Variants in C17orf67 observed in about 807,000 individuals in gnomAD.
The protein encoded by C17orf67 is uncharacterized protein C17orf67.
In C17orf67, 12 loss-of-function variants were observed where a neutral mutation model predicts 11.2. The ratio of observed to expected loss-of-function variants is 1.07; its 90% CI spans 0.68 to 1.73. The LOEUF is 1.73. Among genes scored for constraint, C17orf67 ranks in the 40% most tolerant of loss-of-function variants. The probability of loss-of-function intolerance (pLI) is 0.00; values close to 1 mark genes in which losing one functional copy is unlikely to be tolerated. For synonymous variants in C17orf67, 59 were observed against 46.9 expected, an observed-to-expected ratio of 1.26 and a Z score of -1.05; for missense variants, 115 against 113.5, an observed-to-expected ratio of 1.01 and a Z score of -0.06.
intron 6 of C17orf67, among the ~76,000 whole-genome samples, chr17:56,805,171 G>T (rs528984727): frequency 6.6e-6 from 1 of 152,288 alleles, no homozygotes; most frequent in Admixed American, 6.5e-5. Context: ...CTAGCGGGAC[G>T]TTCTGATTTA....
chr17:56,802,315 C>T (rs1905342536), intron 6 of C17orf67, among the ~76,000 whole-genome samples: 1 of 152,174 alleles, frequency 6.6e-6, no homozygotes, highest in Non-Finnish European at 1.5e-5. Context: ...ACCAAGGAGT[C>T]ACAGCCACAC....
intron 4 of C17orf67, among the ~76,000 whole-genome samples, chr17:56,823,365 G>C (rs898598395): frequency 6.6e-6 from 1 of 151,934 alleles, no homozygotes; most frequent in African/African-American, 2.4e-5. Context: ...CAGACATCTA[G>C]AACGCCTCTG....
chr17:56,810,149 C>T (rs1191600318), intron 6 of C17orf67, among the ~76,000 whole-genome samples: 1 of 60,980 alleles, frequency 1.6e-5, no homozygotes, highest in Non-Finnish European at 3.9e-5. Context: ...TCACGCACAC[C>T]CCTCACACCC....
At chr17:56,822,568 A>G (rs1358671056) in intron 4 of C17orf67, among the ~76,000 whole-genome samples, 6 of 152,244 alleles carry the variant, frequency 3.9e-5, no homozygotes, top group Non-Finnish European at 8.8e-5. Flanking sequence ...CACATAATAA[A>G]AGTCTACTAC....
chr17:56,815,037 C>A, intron 5 of C17orf67, 68 bp from the exon 6 acceptor site: 1 of 1,328,736 alleles, frequency 7.5e-7, no homozygotes, highest in Non-Finnish European at 1.1e-6. Flanking sequence ...CTCAACAGTC[C>A]AAGGCAAAAG....
At chr17:56,803,390 T>C (rs1221242694) in intron 6 of C17orf67, among the ~76,000 whole-genome samples, 1 of 152,246 alleles carries the variant, frequency 6.6e-6, no homozygotes, top group African/African-American at 2.4e-5. Context: ...ACTTTTATAA[T>C]GAGATCACTG....
chr17:56,814,950 T>C lies in C17orf67; in HGVS notation c.75A>G (p.Thr25=), dbSNP rs2144134937. 6.2e-7 allele frequency: 1 copy of C among 1,614,140 alleles called. No homozygotes were observed. The part of the protein sequence containing the change: ...TVFSETSPIL[T]EKQAKQLLRS... ...TTAGGAGCTGTTTGGCCTGCTTCTC[T>C]GTCAAAATCGGGGAGGTCTCTGGAA... The change falls in exon 6 of 8, where the codon ACA becomes ACG. Residue 25 remains threonine, a synonymous_variant. Transcript: ENST00000397861.
chr17:56,828,107 C>CA (rs11379714), intron 2 of C17orf67, among the ~76,000 whole-genome samples: 55,353 of 108,934 alleles, frequency 0.51, 13,427 homozygotes, highest in East Asian at 0.89. Context: ...GACTCAGTCT[C>CA]AAAAAAAAAA....
At chr17:56,827,861 A>T (rs1408344224) in intron 2 of C17orf67, among the ~76,000 whole-genome samples, 1 of 152,210 alleles carries the variant, frequency 6.6e-6, no homozygotes, top group Admixed American at 6.5e-5. Flanking sequence ...TGGAGTATTT[A>T]ACACACCTCA....
intron 6 of C17orf67, among the ~76,000 whole-genome samples, chr17:56,801,326 TAAA>T (rs545696914): frequency 6.6e-6 from 1 of 152,168 alleles, no homozygotes; most frequent in Non-Finnish European, 1.5e-5. Flanking sequence ...ATCAATATCA[TAAA>T]AACTCTAAAT....
At chr17:56,809,578 ACC>A (rs1221647179) in intron 6 of C17orf67, among the ~76,000 whole-genome samples, 1 of 117,490 alleles carries the variant, frequency 8.5e-6, no homozygotes, top group Non-Finnish European at 1.8e-5. Context: ...CCTCACACAC[ACC>A]CCTCACACAC....
At chr17:56,797,448 C>A (rs1905233777) in intron 6 of C17orf67, among the ~76,000 whole-genome samples, 1 of 152,012 alleles carries the variant, frequency 6.6e-6, no homozygotes, top group South Asian at 2.1e-4. Context: ...CTGCAGGGCC[C>A]AATCAGAAGC....
chr17:56,801,885 C>A (rs1160409692), intron 6 of C17orf67, among the ~76,000 whole-genome samples: 1 of 152,124 alleles, frequency 6.6e-6, no homozygotes, highest in Non-Finnish European at 1.5e-5. Context: ...CTGAAGGAAC[C>A]CCTGCTGCCT....
intron 6 of C17orf67, among the ~76,000 whole-genome samples, chr17:56,796,331 T>C (rs1403908494): frequency 6.6e-6 from 1 of 152,220 alleles, no homozygotes; most frequent in Non-Finnish European, 1.5e-5. Context: ...TAAAATATGC[T>C]ACTTCCATAT....
chr17:56,793,200 G>A (rs1195336600), intron 7 of C17orf67, among the ~76,000 whole-genome samples: 2 of 151,142 alleles, frequency 1.3e-5, no homozygotes, highest in African/African-American at 2.4e-5. Context: ...TAAGGAAGGA[G>A]CCATTACTAT....
intron 4 of C17orf67, among the ~76,000 whole-genome samples, chr17:56,819,485 T>C (rs552509840): frequency 2.6e-5 from 4 of 152,336 alleles, no homozygotes; most frequent in South Asian, 2.1e-4. Flanking sequence ...ATTATTTTTA[T>C]AATTTTTTAA....
Position 56,833,754 on chromosome 17 carries a change from T to G in C17orf67, c.-1138A>C, listed in dbSNP as rs2144168753. 1 of 151,872 alleles carries G rather than the reference T, an allele frequency of 6.6e-6. No homozygotes were observed. The highest frequency in any genetic ancestry group is 2.0e-4 in the East Asian group (1 of 5,100). The allele number at this position is 151,872 out of a possible 1,614,324, so 9.4% of individuals were successfully genotyped here. ...TCGGCTCAAGTCGGGGGCACTCGTG[T>G]CTGCGCCGAGCGGCGGGCGTGAGCG... is the stretch of plus-strand genomic sequence containing the variant. On this transcript the variant is annotated 5_prime_UTR_variant, in exon 1 of 8. Transcript: ENST00000397861.
chr17:56,802,781 C>T (rs906676758), intron 6 of C17orf67, among the ~76,000 whole-genome samples: 4 of 152,228 alleles, frequency 2.6e-5, no homozygotes, highest in African/African-American at 4.8e-5. Context: ...GGAAACTTTC[C>T]GTAAAGGCTT....
rs71139937 is a variant in C17orf67, at chr17:56,799,984, G to GAAAA, written c.157-4808_157-4805dup. ...ATACATATTACTTTCTTAAAGTCATGAAAAAAAAAAAGAAAGTTATAAAGA... is the reference window on the plus strand; with the variant it reads ...ATACATATTACTTTCTTAAAGTCATGAAAAAAAAAAAAAAAGAAAGTTATAAAGA... On this transcript the variant is annotated intron_variant, in intron 6 of 7. Coordinates refer to ENST00000397861, the MANE Select transcript of C17orf67 (RefSeq NM_001085430.4). Among the ~76,000 whole-genome samples the GAAAA allele has an allele frequency of 7.3e-3, 1,019 of 140,272 alleles. 4 individuals carry two copies. Among genetic ancestry groups the GAAAA allele is most frequent in the Non-Finnish European group, 8.3e-3 (546 of 65,724 alleles). 92.0% of individuals were successfully genotyped at this position (140,272 alleles called of 152,430 possible).
Sources: allele counts gnomAD v4.1 joint callset (sites outside exome capture counted in the v4.1 genomes callset), GRCh38; gene constraint gnomAD v4.1.1; transcripts MANE v1.5; gene names NCBI Gene and HGNC (gene_info 2026-07-23, HGNC 2026-07-21).